CTTNBP2: variants seen among roughly 807,000 people sequenced by gnomAD.
CTTNBP2 encodes the protein cortactin binding protein 2.
In CTTNBP2, 108 loss-of-function variants were observed where a neutral mutation model predicts 156.9. The observed-to-expected ratio is 0.69, with a 90% CI of 0.59 to 0.81. CTTNBP2 has a LOEUF of 0.81. Ranked by LOEUF, CTTNBP2 falls within the 30% of genes least tolerant of loss-of-function variation. CTTNBP2 has a pLI of 0.00. For synonymous variants in CTTNBP2, 767 were observed against 751.8 expected (o/e 1.02, Z -0.33); for missense variants, 1,924 against 2,035.4 (o/e 0.95, Z 1.05).
At chr7:117,722,711 A>C (rs1344582535) in intron 19 of CTTNBP2, among the ~76,000 whole-genome samples, 1 of 152,176 alleles carries the variant, frequency 6.6e-6, no homozygotes, top group African/African-American at 2.4e-5. Flanking sequence ...TTGGTCTTAA[A>C]CTTTATAGAG....
At chr7:117,769,040 G>T (rs901411942) in intron 8 of CTTNBP2, among the ~76,000 whole-genome samples, 4 of 152,154 alleles carry the variant, frequency 2.6e-5, no homozygotes, top group African/African-American at 9.7e-5. Flanking sequence ...CACGTTTGGT[G>T]TTCAGTATAT....
At chr7:117,854,115 A>G (rs1803102672) in intron 2 of CTTNBP2, among the ~76,000 whole-genome samples, 1 of 152,210 alleles carries the variant, frequency 6.6e-6, no homozygotes, top group African/African-American at 2.4e-5. Context: ...AAACAACACA[A>G]AATCTGGTCA....
chr7:117,845,520 G>A (rs1328592093), intron 2 of CTTNBP2, among the ~76,000 whole-genome samples: 1 of 152,040 alleles, frequency 6.6e-6, no homozygotes, highest in Non-Finnish European at 1.5e-5. Flanking sequence ...TTAAAAAAAA[G>A]GATATCTTAA....
At chr7:117,784,520 C>G (rs1798605626) in intron 4 of CTTNBP2, 66 bp from the exon 5 acceptor site, 2 of 1,163,846 alleles carry the variant, frequency 1.7e-6, no homozygotes, top group Non-Finnish European at 2.4e-6. Context: ...TTACCCATTC[C>G]TTTCTGAATT....
At chr7:117,719,708 C>CT (rs1484299235) in intron 20 of CTTNBP2, 72 bp from the exon 21 acceptor site, 5 of 1,333,292 alleles carry the variant, frequency 3.8e-6, no homozygotes, top group Non-Finnish European at 4.1e-6. Context: ...GACACTGTAC[C>CT]TTTTTTGGGA....
At position 117,719,534 on chromosome 7, in the gene CTTNBP2, G is replaced by A; in HGVS notation, c.4614C>T (p.Cys1538=). 2 of 1,613,958 alleles carry A rather than the reference G, an allele frequency of 1.2e-6. No homozygotes were observed. ...TGATATCAGACTCAGACTTGCTGGAGCACATGCTCTGAAGTTCCTTGACAA... is the reference window on the plus strand; with the variant it reads ...TGATATCAGACTCAGACTTGCTGGAACACATGCTCTGAAGTTCCTTGACAA... The part of the protein sequence containing the change: ...ADLVKELQSM[C]SSKSESDISK... Residue 1538 remains cysteine, a synonymous_variant, in exon 21 of 23, where the codon TGC becomes TGT. Transcript: ENST00000160373.
At chr7:117,738,649 G>A (rs955526537) in intron 14 of CTTNBP2, among the ~76,000 whole-genome samples, 1 of 152,198 alleles carries the variant, frequency 6.6e-6, no homozygotes, top group African/African-American at 2.4e-5. Flanking sequence ...GAGGCAGAGA[G>A]CAGATGTGAC....
chr7:117,779,055 C>T (rs528350993), intron 7 of CTTNBP2, among the ~76,000 whole-genome samples: 1 of 152,216 alleles, frequency 6.6e-6, no homozygotes, highest in East Asian at 1.9e-4. Context: ...GTATCTCATA[C>T]CAATAAAATC....
intron 2 of CTTNBP2, among the ~76,000 whole-genome samples, chr7:117,860,940 G>C (rs1368736960): frequency 6.6e-6 from 1 of 152,098 alleles, no homozygotes; most frequent in Admixed American, 6.5e-5. Context: ...AACATAAAAG[G>C]ATTTCTGAAC....
chr7:117,721,056 G>C lies in CTTNBP2; in HGVS notation c.4511+11C>G. The C allele has an allele frequency of 1.3e-6, 2 of 1,558,900 alleles. No individual in the cohort carries two copies. The highest frequency in any genetic ancestry group is 1.8e-6 in the Non-Finnish European group (2 of 1,129,998). ...TGTTTGCTGTGAGTTAAATTTGAAA[G>C]GGGAACTTACTTTTGTTTTGACAGA... On this transcript the variant is annotated intron_variant, in intron 20 of 22. Coordinates refer to ENST00000160373, the MANE Select transcript of CTTNBP2 (RefSeq NM_033427.3).
chr7:117,715,619 A>G (rs1008387957), intron 22 of CTTNBP2: 4 of 152,180 alleles, frequency 2.6e-5, no homozygotes, highest in Non-Finnish European at 5.9e-5. Flanking sequence ...TTAAATATGT[A>G]TATTTGTTTT....
intron 10 of CTTNBP2, among the ~76,000 whole-genome samples, chr7:117,759,857 T>G (rs914371155): frequency 6.6e-5 from 10 of 152,222 alleles, no homozygotes. Flanking sequence ...CAGGGACACC[T>G]AATATTTACA....
intron 17 of CTTNBP2, among the ~76,000 whole-genome samples, chr7:117,725,700 C>CTT (rs35475389): frequency 1.3e-5 from 2 of 151,170 alleles, no homozygotes; most frequent in Non-Finnish European, 2.9e-5. Context: ...CTTTTTTTTT[C>CTT]TTTTTTTGAG....
In CTTNBP2 at chr7:117,791,477, C is replaced by T. The variant is rs201248859; in HGVS notation, c.1719G>A (p.Ser573=). ...TGTTATCAACTTTGGCCCCTGTGTT[C>T]GAGGCCCTGCTGCTGTCTATAATAA... ...LKVIIDSSRA[S]NTGAKVDNKT... is the part of the protein sequence containing the mutation. Residue 573 remains serine, a synonymous_variant, in exon 4 of 23, where the codon TCG becomes TCA. Coordinates refer to ENST00000160373, the MANE Select transcript of CTTNBP2 (RefSeq NM_033427.3). 4.2e-5 allele frequency: 67 copies of T among 1,614,046 alleles called. No individual in the cohort carries two copies. The highest frequency in any genetic ancestry group is 8.3e-5 in the Admixed American group (5 of 60,000).
intron 10 of CTTNBP2, among the ~76,000 whole-genome samples, chr7:117,759,602 T>C (rs902503401): frequency 8.5e-5 from 13 of 152,216 alleles, no homozygotes; most frequent in Admixed American, 6.5e-4. Flanking sequence ...CCCTCAACCT[T>C]GGACCTTTCT....
At chr7:117,826,810 T>TA (rs1801307137) in intron 2 of CTTNBP2, among the ~76,000 whole-genome samples, 1 of 148,530 alleles carries the variant, frequency 6.7e-6, no homozygotes, top group African/African-American at 2.5e-5. Context: ...AAAAGAAAGT[T>TA]AAAATTTCTA....
intron 3 of CTTNBP2, among the ~76,000 whole-genome samples, chr7:117,795,175 C>T: frequency 0.021 from 1 of 48 alleles, no homozygotes; most frequent in East Asian, 0.17. Flanking sequence ...GGATTACAGG[C>T]GTGACGACCG....
At chr7:117,859,586 C>T (rs1803575535) in intron 2 of CTTNBP2, among the ~76,000 whole-genome samples, 2 of 152,200 alleles carry the variant, frequency 1.3e-5, no homozygotes, top group Admixed American at 6.5e-5. Flanking sequence ...TCGCAGCTGA[C>T]TGTGCCCTTG....
chr7:117,724,600 T>G lies in CTTNBP2; in HGVS notation c.4394A>C (p.Lys1465Thr), dbSNP rs368085394. The change falls in exon 19 of 23, where the codon AAG (lysine) becomes ACG (threonine). Residue 1465 changes from lysine (K) to threonine (T), a missense_variant. Physicochemically the swap from Lys to Thr is moderately conservative, Grantham distance 78. Transcript: ENST00000160373. The stretch of plus-strand genomic sequence containing the variant: ...GGTGGGTAAAGAGAAGCGGCCAGAC[T>G]TCCTGCGAGGACTGGTGTTCACCTT... Reference protein sequence around the residue: ...WRKVNTSPRRKSGRFSLPTWN... With the variant: ...WRKVNTSPRRTSGRFSLPTWN... 45 of 1,614,028 alleles carry G rather than the reference T, an allele frequency of 2.8e-5. No homozygotes were observed. Among genetic ancestry groups the G allele is most frequent in the Non-Finnish European group, 3.7e-5 (44 of 1,180,036 alleles).
Sources: allele counts gnomAD v4.1 joint callset (sites outside exome capture counted in the v4.1 genomes callset), GRCh38; gene constraint gnomAD v4.1.1; transcripts MANE v1.5; gene names NCBI Gene and HGNC (gene_info 2026-07-23, HGNC 2026-07-21).